The following EPHA3 variants were observed in gnomAD, a reference collection of about 807,000 sequenced individuals.
EPHA3 encodes ephrin type-A receptor 3.
In EPHA3, 42 loss-of-function variants were observed where a neutral mutation model predicts 107.1. The ratio of observed to expected loss-of-function variants is 0.39; its 90% confidence interval spans 0.31 to 0.51. The LOEUF (loss-of-function observed/expected upper bound fraction) is 0.51. Ranked by LOEUF, EPHA3 falls within the 20% of genes least tolerant of loss-of-function variation. The probability of loss-of-function intolerance (pLI) is 0.78; values close to 1 mark genes in which losing one functional copy is unlikely to be tolerated. For missense variants in EPHA3, 1,183 were observed against 1,211.2 expected (o/e 0.98, Z 0.35); for synonymous variants, 461 against 424.8 (o/e 1.09, Z -1.05).
chr3:89,283,316 A>G (rs1042463883), intron 3 of EPHA3, among the ~76,000 whole-genome samples: 15 of 152,132 alleles, frequency 9.9e-5, no homozygotes, highest in Admixed American at 5.2e-4. Context: ...GAGGAAAAAC[A>G]TAATGTTTCA....
chr3:89,241,102 AG>A (rs1454760471), intron 3 of EPHA3, among the ~76,000 whole-genome samples: 1 of 152,076 alleles, frequency 6.6e-6, no homozygotes, highest in Non-Finnish European at 1.5e-5. Context: ...GTTAATTTGA[AG>A]CAGTCAAATA....
At chr3:89,244,248 C>A (rs946858061) in intron 3 of EPHA3, among the ~76,000 whole-genome samples, 1 of 151,734 alleles carries the variant, frequency 6.6e-6, no homozygotes, top group African/African-American at 2.4e-5. Context: ...GCTAGGTTAC[C>A]AGGAATATTA....
chr3:89,342,858 T>TACACAC (rs144807058), intron 5 of EPHA3, among the ~76,000 whole-genome samples: 3,275 of 139,282 alleles, frequency 0.024, 51 homozygotes, highest in African/African-American at 0.046. Context: ...TTTTTACACA[T>TACACAC]ACACACACAC....
chr3:89,142,311 A>G (rs1410003396), intron 2 of EPHA3, among the ~76,000 whole-genome samples: 1 of 151,446 alleles, frequency 6.6e-6, no homozygotes, highest in Non-Finnish European at 1.5e-5. Context: ...ACTTTGGTCT[A>G]TATTTACCGC....
intron 3 of EPHA3, among the ~76,000 whole-genome samples, chr3:89,214,610 T>C (rs191239174): frequency 6.6e-6 from 1 of 152,106 alleles, no homozygotes; most frequent in African/African-American, 2.4e-5. Context: ...AGACATTTTT[T>C]TTGTTCAATT....
intron 5 of EPHA3, among the ~76,000 whole-genome samples, chr3:89,384,543 G>T (rs1708576912): frequency 1.3e-5 from 2 of 152,126 alleles, no homozygotes; most frequent in African/African-American, 4.8e-5. Context: ...CTAACAAACA[G>T]AAGTGTGAAG....
intron 3 of EPHA3, among the ~76,000 whole-genome samples, chr3:89,215,213 A>AT (rs1704196037): frequency 6.6e-6 from 1 of 151,970 alleles, no homozygotes; most frequent in Admixed American, 6.6e-5. Flanking sequence ...GAGAAGCAGT[A>AT]TAAGTTGTTT....
chr3:89,311,072 A>C (rs954781338), intron 3 of EPHA3, among the ~76,000 whole-genome samples: 4 of 152,034 alleles, frequency 2.6e-5, no homozygotes, highest in Non-Finnish European at 5.9e-5. Context: ...GATTAAATAA[A>C]ATGCTGGAGC....
intron 5 of EPHA3, among the ~76,000 whole-genome samples, chr3:89,359,265 A>C (rs567701470): frequency 6.6e-6 from 1 of 151,006 alleles, no homozygotes; most frequent in Non-Finnish European, 1.5e-5. Context: ...ACACTAACAT[A>C]ATAGTAAGTC....
Position 89,357,848 on chromosome 3 carries a change from C to A in EPHA3, c.1306+15758C>A, listed in dbSNP as rs577859377. On this transcript the variant is annotated intron_variant, in intron 5 of 16. Transcript: ENST00000336596. Reference sequence around the variant, plus strand: ...TCAGTTTAATTTGACATTTTTATATCTGAAAAGTTTGAAAAAAATCCCATC... The same window carrying A: ...TCAGTTTAATTTGACATTTTTATATATGAAAAGTTTGAAAAAAATCCCATC... 5.2e-4 allele frequency among the ~76,000 whole-genome samples: 78 copies of A among 151,132 alleles called. 4 individuals carry two copies. In the South Asian group the frequency reaches 5.4e-3, roughly 11 times the overall value.
chr3:89,336,170 C>A (rs1042183347), intron 3 of EPHA3, among the ~76,000 whole-genome samples: 1 of 152,146 alleles, frequency 6.6e-6, no homozygotes, highest in African/African-American at 2.4e-5. Context: ...TTATTTCCTA[C>A]TTTTATTCTC....
intron 9 of EPHA3, among the ~76,000 whole-genome samples, 199 bp from the exon 10 acceptor site, chr3:89,412,942 A>G (rs1210878266): frequency 6.6e-6 from 1 of 151,712 alleles, no homozygotes; most frequent in Non-Finnish European, 1.5e-5. Context: ...TATATAATTC[A>G]TCATAGAGAA....
chr3:89,241,591 G>T (rs954146500), intron 3 of EPHA3, among the ~76,000 whole-genome samples: 2 of 151,870 alleles, frequency 1.3e-5, no homozygotes, highest in Non-Finnish European at 2.9e-5. Context: ...TTGTTCATTT[G>T]TATAGTAGTG....
At chr3:89,222,730 C>G (rs1397427490) in intron 3 of EPHA3, among the ~76,000 whole-genome samples, 1 of 151,956 alleles carries the variant, frequency 6.6e-6, no homozygotes, top group Non-Finnish European at 1.5e-5. Flanking sequence ...TGCACACATT[C>G]CTACATTTCT....
chr3:89,264,008 T>A (rs933221611), intron 3 of EPHA3, among the ~76,000 whole-genome samples: 10 of 152,228 alleles, frequency 6.6e-5, no homozygotes, highest in Admixed American at 5.9e-4. Flanking sequence ...AAAATCCACG[T>A]CCATCCCATG....
intron 5 of EPHA3, among the ~76,000 whole-genome samples, chr3:89,380,310 T>C (rs2107483253): frequency 6.6e-6 from 1 of 152,322 alleles, no homozygotes; most frequent in African/African-American, 2.4e-5. Flanking sequence ...AGAAGGTATT[T>C]ATGTGAGAAT....
chr3:89,178,736 A>G (rs1204222725), intron 2 of EPHA3, among the ~76,000 whole-genome samples: 1 of 151,806 alleles, frequency 6.6e-6, no homozygotes, highest in East Asian at 1.9e-4. Context: ...TCTATTTTTA[A>G]AGCATTTTGA....
Position 89,259,085 on chromosome 3 carries a change from A to G in EPHA3, c.814+48565A>G, listed in dbSNP as rs919248263. On this transcript the variant is annotated intron_variant, in intron 3 of 16. Coordinates refer to ENST00000336596, the MANE Select transcript of EPHA3 (RefSeq NM_005233.6). ...CATTGAGGGAAGCTGAGTGAAGAGTATGTGGGGATGCTGTACAGTTTTACA... is the reference window on the plus strand; with the variant it reads ...CATTGAGGGAAGCTGAGTGAAGAGTGTGTGGGGATGCTGTACAGTTTTACA... Among the ~76,000 whole-genome samples the G allele has an allele frequency of 4.6e-5, 7 of 152,322 alleles. No individual in the cohort carries two copies. The South Asian group carries it at 6.2e-4, about 14-fold the overall frequency.
intron 3 of EPHA3, among the ~76,000 whole-genome samples, chr3:89,308,203 A>T (rs1385497624): frequency 6.6e-6 from 1 of 152,198 alleles, no homozygotes; most frequent in African/African-American, 2.4e-5. Context: ...TTCAAAGAAC[A>T]AACTGTAGAA....
Sources: allele counts gnomAD v4.1 joint callset (sites outside exome capture counted in the v4.1 genomes callset), GRCh38; gene constraint gnomAD v4.1.1; transcripts MANE v1.5; gene names NCBI Gene and HGNC (gene_info 2026-07-23, HGNC 2026-07-21).